Variants in TBC1D4 observed in about 807,000 individuals in gnomAD.
TBC1D4 encodes TBC1 domain family member 4.
TBC1D4 carries 121 observed loss-of-function variants against 142.5 expected under a neutral mutation model. The observed-to-expected ratio is 0.85, with a 90% confidence interval of 0.73 to 0.99. TBC1D4 has a LOEUF of 0.99. Among genes scored for constraint, TBC1D4 ranks in the 50% least tolerant of loss-of-function variants. The pLI, the probability that TBC1D4 is intolerant of heterozygous loss-of-function variation, is 0.00. For missense variants in TBC1D4, 1,475 were observed against 1,606.6 expected, an observed-to-expected ratio of 0.92 and a Z score of 1.40; for synonymous variants, 630 against 628.2, an observed-to-expected ratio of 1.00 and a Z score of -0.04.
intron 17 of TBC1D4, among the ~76,000 whole-genome samples, chr13:75,297,366 A>G (rs1876039959): frequency 6.6e-6 from 1 of 152,202 alleles, no homozygotes; most frequent in African/African-American, 2.4e-5. Flanking sequence ...ACTTCCCTGT[A>G]TCTTTGAAAT....
At chr13:75,315,365 T>C (rs1449074039) in intron 12 of TBC1D4, among the ~76,000 whole-genome samples, 3,036 of 146,724 alleles carry the variant, frequency 0.021, 111 homozygotes, top group African/African-American at 0.072. Context: ...TATATATATA[T>C]ATATACACAC....
At chr13:75,448,579 A>G (rs1021778559) in intron 1 of TBC1D4, among the ~76,000 whole-genome samples, 22 of 151,592 alleles carry the variant, frequency 1.5e-4, no homozygotes, top group African/African-American at 4.8e-4. Flanking sequence ...AAAAAAAAAA[A>G]AAAACAATAA....
At chr13:75,395,330 AG>A (rs1566457023) in intron 1 of TBC1D4, among the ~76,000 whole-genome samples, 1 of 152,246 alleles carries the variant, frequency 6.6e-6, no homozygotes, top group Non-Finnish European at 1.5e-5. Context: ...TACAAGACTC[AG>A]TTCAAACTAG....
At chr13:75,319,873 C>A in intron 12 of TBC1D4, 141 bp downstream of exon 12, 1 of 758,386 alleles carries the variant, frequency 1.3e-6, no homozygotes, top group East Asian at 2.8e-5. Flanking sequence ...CACATTTTCC[C>A]TACTATATAG....
chr13:75,395,864 G>C (rs148411789), intron 1 of TBC1D4, among the ~76,000 whole-genome samples: 15 of 152,150 alleles, frequency 9.9e-5, no homozygotes, highest in African/African-American at 3.6e-4. Context: ...ATAAATAAAA[G>C]AAATGATACC....
At chr13:75,388,447 T>C (rs1884302637) in intron 1 of TBC1D4, among the ~76,000 whole-genome samples, 1 of 152,156 alleles carries the variant, frequency 6.6e-6, no homozygotes, top group Non-Finnish European at 1.5e-5. Flanking sequence ...TTCTCAAAGG[T>C]TAAATTTTAA....
In TBC1D4 at chr13:75,405,747, A is replaced by C. The variant is rs1410507305; in HGVS notation, c.499-43140T>G. ...AAGGTTGTAAATAATAATGCAGAAA[A>C]GCTTTAAGCCAAGAACTCATTTGTT... On this transcript the variant is annotated intron_variant, in intron 1 of 20. Coordinates refer to ENST00000377636, the MANE Select transcript of TBC1D4 (RefSeq NM_014832.5). 2.0e-5 allele frequency among the ~76,000 whole-genome samples: 3 copies of C among 152,210 alleles called. No individual in the cohort carries two copies. In the East Asian group the frequency reaches 5.8e-4, roughly 29 times the overall value.
rs184342196 is a variant in TBC1D4 at position 75,314,578 on chromosome 13, A to G, written c.2223-1680T>C. Among the ~76,000 whole-genome samples the G allele has an allele frequency of 2.8e-3, 423 of 152,330 alleles. 8 individuals are homozygous for G. The South Asian group carries it at 0.053, about 19-fold the overall frequency. ...TATGACGTGATACTTTAGAAAGTACAGTACTTGATACATATATCTCAATAT... is the reference window on the plus strand; with the variant it reads ...TATGACGTGATACTTTAGAAAGTACGGTACTTGATACATATATCTCAATAT... On this transcript the variant is annotated intron_variant, in intron 12 of 20. Transcript: ENST00000377636.
At chr13:75,424,884 A>G (rs1886318304) in intron 1 of TBC1D4, among the ~76,000 whole-genome samples, 1 of 152,168 alleles carries the variant, frequency 6.6e-6, no homozygotes, top group South Asian at 2.1e-4. Context: ...AAAGACTTAG[A>G]CATAAAATCT....
At chr13:75,326,157 T>G in intron 10 of TBC1D4, 40 bp downstream of exon 10, 1 of 1,606,972 alleles carries the variant, frequency 6.2e-7, no homozygotes, top group Non-Finnish European at 8.5e-7. Flanking sequence ...ACTGTGTGCC[T>G]TGAGAATCTA....
intron 1 of TBC1D4, among the ~76,000 whole-genome samples, chr13:75,452,003 T>A (rs1457673365): frequency 6.6e-6 from 1 of 152,122 alleles, no homozygotes; most frequent in Non-Finnish European, 1.5e-5. Flanking sequence ...CAAGATGTAA[T>A]TTTAAGTGAG....
chr13:75,299,722 G>A, intron 16 of TBC1D4, 148 bp from the exon 17 acceptor site: 1 of 968,202 alleles, frequency 1.0e-6, no homozygotes, highest in Non-Finnish European at 1.5e-6. Context: ...GTAACTAAGA[G>A]TCTCTCCCTC....
intron 1 of TBC1D4, among the ~76,000 whole-genome samples, chr13:75,457,352 C>A (rs1418433142): frequency 6.6e-6 from 1 of 152,154 alleles, no homozygotes; most frequent in East Asian, 1.9e-4. Context: ...CTGTCCTGTG[C>A]ACTGTAGAAT....
intron 1 of TBC1D4, among the ~76,000 whole-genome samples, chr13:75,479,360 C>CAT (rs767077072): frequency 1.3e-5 from 2 of 152,142 alleles, no homozygotes; most frequent in Non-Finnish European, 2.9e-5. Context: ...ATGAGAAAGT[C>CAT]ATATGACTAC....
intron 9 of TBC1D4, among the ~76,000 whole-genome samples, chr13:75,327,470 C>A (rs951649456): frequency 3.3e-5 from 5 of 152,198 alleles, no homozygotes; most frequent in South Asian, 2.1e-4. Context: ...ATATATGGCT[C>A]ATTTTTTATA....
At chr13:75,303,349 T>C (rs111232344) in intron 15 of TBC1D4, among the ~76,000 whole-genome samples, 1 of 151,922 alleles carries the variant, frequency 6.6e-6, no homozygotes, top group African/African-American at 2.4e-5. Flanking sequence ...TAGTAAACAA[T>C]AAGAAGGCGT....
At position 75,302,384 on chromosome 13, in the gene TBC1D4, G is replaced by T; in HGVS notation, c.2770C>A (p.Arg924=). The T allele has an allele frequency of 6.2e-7, 1 of 1,614,068 alleles. No individual in the cohort carries two copies. The highest frequency in any genetic ancestry group is 1.1e-5 in the South Asian group (1 of 91,078). ...LLKEGVPKSR[R]GEIWQFLALQ... The stretch of plus-strand genomic sequence containing the variant: ...GCCAGAAACTGCCAAATTTCTCCTC[G>T]TCGACTTTTGGGAACTCCTACAATG... The change falls in exon 16 of 21, where the codon CGA becomes AGA. Residue 924 remains arginine (R), a synonymous_variant. Transcript: ENST00000377636.
chr13:75,428,101 T>A (rs1886451429), intron 1 of TBC1D4, among the ~76,000 whole-genome samples: 1 of 152,166 alleles, frequency 6.6e-6, no homozygotes, highest in African/African-American at 2.4e-5. Context: ...GGTATTAAAA[T>A]CAACAGGGGA....
intron 1 of TBC1D4, among the ~76,000 whole-genome samples, chr13:75,471,979 C>T (rs1452882483): frequency 2.0e-5 from 3 of 151,696 alleles, no homozygotes; most frequent in Non-Finnish European, 2.9e-5. Flanking sequence ...TGGTGGCGGG[C>T]GCCTGTAGTC....
Sources: gnomAD v4.1 joint callset for allele counts (sites outside exome capture counted in the v4.1 genomes callset) on GRCh38, gnomAD v4.1.1 for gene constraint, MANE v1.5 for transcripts, NCBI Gene and HGNC (gene_info 2026-07-23, HGNC 2026-07-21) for gene names.